Variants in B3GNT3 observed in about 807,000 individuals in gnomAD.
B3GNT3 encodes the protein UDP-GlcNAc:betaGal beta-1,3-N-acetylglucosaminyltransferase 3, also known as N-acetyllactosaminide beta-1,3-N-acetylglucosaminyltransferase 3.
In B3GNT3, 7 loss-of-function variants were observed where a neutral mutation model predicts 11.6. The ratio of observed to expected loss-of-function variants is 0.60; its 90% CI spans 0.34 to 1.13. The LOEUF (loss-of-function observed/expected upper bound fraction) is 1.13, where lower values mean the gene tolerates loss of function less well. Ranked by LOEUF, B3GNT3 falls within the 50% of genes most tolerant of loss-of-function variation. The pLI, the probability that B3GNT3 is intolerant of heterozygous loss-of-function variation, is 0.03. For synonymous variants in B3GNT3, 201 were observed against 222.1 expected (o/e 0.90, Z 0.85); for missense variants, 400 against 507.4 (o/e 0.79, Z 2.03).
chr19:17,804,802 C>A (rs964311034), intron 1 of B3GNT3, among the ~76,000 whole-genome samples: 6 of 151,728 alleles, frequency 4.0e-5, no homozygotes, highest in African/African-American at 1.5e-4. Context: ...AGGTGATCCA[C>A]CACTTTGGCC....
chr19:17,800,618 A>C (rs1233163714), intron 1 of B3GNT3, among the ~76,000 whole-genome samples: 1 of 152,212 alleles, frequency 6.6e-6, no homozygotes, highest in East Asian at 1.9e-4. Flanking sequence ...ATGAATATTC[A>C]GTGACCATGA....
chr19:17,807,710 A>G, intron 1 of B3GNT3, 48 bp from the exon 2 acceptor site: 1 of 1,188,006 alleles, frequency 8.4e-7, no homozygotes, highest in Non-Finnish European at 1.2e-6. Flanking sequence ...GGCCACAGGA[A>G]AAGCGCTTTG....
chr19:17,799,517 C>A (rs2094163427), intron 1 of B3GNT3, among the ~76,000 whole-genome samples: 1 of 152,086 alleles, frequency 6.6e-6, no homozygotes, highest in South Asian at 2.1e-4. Context: ...ATTCGCCCGC[C>A]TCTGCCTCCC....
chr19:17,805,106 A>ATT (rs60752281), intron 1 of B3GNT3, among the ~76,000 whole-genome samples: 7,966 of 132,018 alleles, frequency 0.06, 274 homozygotes, highest in Middle Eastern at 0.079. Flanking sequence ...GACCACAGGG[A>ATT]TTTTTTTTTT....
chr19:17,812,166 G>A lies in B3GNT3; in HGVS notation c.*44G>A, dbSNP rs2094182062. On this transcript the variant is annotated 3_prime_UTR_variant, in exon 3 of 3. Coordinates refer to ENST00000318683, the MANE Select transcript of B3GNT3 (RefSeq NM_014256.4). ...AGCCTCTGGGCTCCTGTTTCCATAG[G>A]AAGGGGCGACACCTTCCTCCCAGGA... is the stretch of plus-strand genomic sequence containing the variant. 6.5e-7 allele frequency: 1 copy of A among 1,533,186 alleles called. No homozygotes were observed. The highest frequency in any genetic ancestry group is 1.4e-5 in the African/African-American group (1 of 72,896). The allele number at this position is 1,533,186 out of a possible 1,614,324, so 95.0% of individuals were successfully genotyped here.
At position 17,813,319 on chromosome 19, in the gene B3GNT3, A is replaced by G. The variant is rs911118120; in HGVS notation, c.*1197A>G. Among the ~76,000 whole-genome samples, 1 of 152,070 alleles carries G rather than the reference A, an allele frequency of 6.6e-6. No individual in the cohort carries two copies. Among genetic ancestry groups the G allele is most frequent in the African/African-American group, 2.4e-5 (1 of 41,414 alleles). On this transcript the variant is annotated 3_prime_UTR_variant, in exon 3 of 3. Coordinates refer to ENST00000318683, the MANE Select transcript of B3GNT3 (RefSeq NM_014256.4). Reference sequence around the variant, plus strand: ...AAATTACTCAGGCGTGGTGGTGCTCACATGCCTGTAGTCCCAGCTATACTT... The same window carrying G: ...AAATTACTCAGGCGTGGTGGTGCTCGCATGCCTGTAGTCCCAGCTATACTT...
At chr19:17,796,934 G>A (rs2094160153) in intron 1 of B3GNT3, among the ~76,000 whole-genome samples, 2 of 152,168 alleles carry the variant, frequency 1.3e-5, no homozygotes, top group African/African-American at 4.8e-5. Flanking sequence ...GATGCCTATT[G>A]TGGACCCTCT....
chr19:17,804,264 G>C (rs2094170063), intron 1 of B3GNT3, among the ~76,000 whole-genome samples: 1 of 97,860 alleles, frequency 1.0e-5, no homozygotes, highest in South Asian at 3.0e-4. Flanking sequence ...TTTTGAGACA[G>C]AGTCTTGTTC....
chr19:17,801,562 C>A (rs2147647419), intron 1 of B3GNT3, among the ~76,000 whole-genome samples: 1 of 152,202 alleles, frequency 6.6e-6, no homozygotes, highest in African/African-American at 2.4e-5. Flanking sequence ...TAGCTCACTG[C>A]AGCCTTGAAC....
intron 2 of B3GNT3, among the ~76,000 whole-genome samples, chr19:17,809,750 C>T (rs1445491242): frequency 6.6e-6 from 1 of 151,886 alleles, no homozygotes; most frequent in Non-Finnish European, 1.5e-5. Flanking sequence ...CGCACAGCCT[C>T]GTCTCTATTT....
In B3GNT3 at chr19:17,811,058, T is replaced by TTATTA. The variant is rs2094180048; in HGVS notation, c.568-512_568-508dup. 6.7e-6 allele frequency among the ~76,000 whole-genome samples: 1 copy of TTATTA among 149,384 alleles called. No homozygotes were observed. Among genetic ancestry groups the TTATTA allele is most frequent in the Non-Finnish European group, 1.5e-5 (1 of 67,412 alleles). On this transcript the variant is annotated intron_variant, in intron 2 of 2. Coordinates refer to ENST00000318683, the MANE Select transcript of B3GNT3 (RefSeq NM_014256.4). This position sits in a 1 kb window ranked among gnomAD's most constrained non-coding sequence, Gnocchi z 4.1. ...ATCCCATCTCTTAAAAAAAAAAAAA[T>TTATTA]TATTAGCCAGGAGTAAGTAGCGGCA...
intron 1 of B3GNT3, among the ~76,000 whole-genome samples, chr19:17,804,820 G>A (rs914759575): frequency 6.6e-6 from 1 of 151,770 alleles, no homozygotes; most frequent in East Asian, 1.9e-4. Context: ...GCCTCCCAAA[G>A]TGCTGGGATG....
At chr19:17,803,490 C>T (rs576984060) in intron 1 of B3GNT3, among the ~76,000 whole-genome samples, 1 of 152,236 alleles carries the variant, frequency 6.6e-6, no homozygotes, top group African/African-American at 2.4e-5. Flanking sequence ...ATGGCAAAAT[C>T]GCACTGGCAC....
At chr19:17,797,091 C>T (rs1289811078) in intron 1 of B3GNT3, among the ~76,000 whole-genome samples, 2 of 152,088 alleles carry the variant, frequency 1.3e-5, no homozygotes, top group African/African-American at 2.4e-5. Flanking sequence ...ATTTCTAGGC[C>T]TCTCTGTGCC....
At position 17,807,960 on chromosome 19, in the gene B3GNT3, T is replaced by TCCCCGCC; in HGVS notation, c.155_156insCCGCCCC (p.Pro53ArgfsTer52). On this transcript the variant is annotated frameshift_variant, in exon 2 of 3. Coordinates refer to ENST00000318683, the MANE Select transcript of B3GNT3 (RefSeq NM_014256.4). LOFTEE classifies it high-confidence loss of function. Reference sequence around the variant, plus strand: ...TCCCCGAGGCCCTGGCCTGGCCCACTCCACCCACCCGCCCAGCCCCGGCCC... The same window carrying TCCCCGCC: ...TCCCCGAGGCCCTGGCCTGGCCCACTCCCCGCCCCACCCACCCGCCCAGCCCCGGCCC... 1.2e-6 allele frequency: 2 copies of TCCCCGCC among 1,609,540 alleles called. No homozygotes were observed. Among genetic ancestry groups the TCCCCGCC allele is most frequent in the Non-Finnish European group, 1.7e-6 (2 of 1,178,124 alleles).
At chr19:17,801,998 T>C (rs2094166852) in intron 1 of B3GNT3, among the ~76,000 whole-genome samples, 1 of 151,560 alleles carries the variant, frequency 6.6e-6, no homozygotes, top group Non-Finnish European at 1.5e-5. Context: ...TGAGGCAGGA[T>C]AATCGCTTGA....
Position 17,811,453 on chromosome 19 carries a change from C to G in B3GNT3, c.568-118C>G. On this transcript the variant is annotated intron_variant, in intron 2 of 2. Coordinates refer to ENST00000318683, the MANE Select transcript of B3GNT3 (RefSeq NM_014256.4). This position sits in a 1 kb window ranked among gnomAD's most constrained non-coding sequence, Gnocchi z 4.1. ...TAACCCCACAGGGCAGGGCCTTAACCCAGGCTGGATTGTGGACACTTCCTT... is the reference window on the plus strand; with the variant it reads ...TAACCCCACAGGGCAGGGCCTTAACGCAGGCTGGATTGTGGACACTTCCTT... 1 of 1,095,664 alleles carries G rather than the reference C, an allele frequency of 9.1e-7. No homozygotes were observed. Among genetic ancestry groups the G allele is most frequent in the Non-Finnish European group, 1.3e-6 (1 of 782,232 alleles). 67.9% of individuals were successfully genotyped at this position (1,095,664 alleles called of 1,614,324 possible).
rs199643062 is a variant in B3GNT3, at chr19:17,808,105, C to T, written c.298C>T (p.Pro100Ser). 1.2e-5 allele frequency: 19 copies of T among 1,613,916 alleles called. No individual in the cohort carries two copies. In the African/African-American group the frequency reaches 1.3e-4, roughly 11 times the overall value. Reference protein sequence around the residue: ...RHFPLLQDVPPSKCAQPVFLL... With the variant: ...RHFPLLQDVPSSKCAQPVFLL... ...CTTTCCCCTGCTGCAGGACGTGCCC[C>T]CCTCTAAGTGCGCGCAGCCGGTCTT... The change falls in exon 2 of 3, where the codon CCC becomes TCC. Residue 100 changes from proline to serine, a missense_variant. Transcript: ENST00000318683.
Position 17,811,867 on chromosome 19 carries a change from T to C in B3GNT3, c.864T>C (p.His288=). 1 of 1,614,168 alleles carries C rather than the reference T, an allele frequency of 6.2e-7. No individual in the cohort carries two copies. Among genetic ancestry groups the C allele is most frequent in the African/African-American group, 1.3e-5 (1 of 75,054 alleles). Residue 288 remains histidine (H), a synonymous_variant, in exon 3 of 3, where the codon CAT becomes CAC. Coordinates refer to ENST00000318683, the MANE Select transcript of B3GNT3 (RefSeq NM_014256.4). This position sits in a 1 kb window ranked among gnomAD's most constrained non-coding sequence, Gnocchi z 4.1. ...FTAAALRRAA[H]VLDIFPIDDV... ...CCGCTGCCCTGCGCCGTGCTGCCCA[T>C]GTCTTGGACATCTTCCCCATTGATG...
Sources: gnomAD v4.1 joint callset for allele counts (sites outside exome capture counted in the v4.1 genomes callset) on GRCh38, gnomAD v4.1.1 for gene constraint, Gnocchi (gnomAD v3.1) non-coding constraint, MANE v1.5 for transcripts, NCBI Gene and HGNC (gene_info 2026-07-23, HGNC 2026-07-21) for gene names.